Variants in KCTD5 observed in about 807,000 individuals in gnomAD.
KCTD5 encodes BTB/POZ domain-containing protein KCTD5.
Under a neutral mutation model 27.9 loss-of-function variants are expected in KCTD5, and 12 were observed. The observed-to-expected ratio is 0.43, with a 90% CI of 0.28 to 0.70. The LOEUF (loss-of-function observed/expected upper bound fraction) is 0.70. Among genes scored for constraint, KCTD5 ranks in the 30% least tolerant of loss-of-function variants. The pLI, the probability that KCTD5 is intolerant of heterozygous loss-of-function variation, is 0.19. For missense variants in KCTD5, 226 were observed against 274.8 expected, an observed-to-expected ratio of 0.82 and a Z score of 1.26; for synonymous variants, 147 against 121.4, an observed-to-expected ratio of 1.21 and a Z score of -1.39.
chr16:2,707,435 T>C lies in KCTD5; in HGVS notation c.*108T>C. 1.7e-6 allele frequency: 2 copies of C among 1,160,422 alleles called. No homozygotes were observed. Among genetic ancestry groups the C allele is most frequent in the East Asian group, 4.7e-5 (2 of 42,420 alleles). The allele number at this position is 1,160,422 out of a possible 1,614,324, so 71.9% of individuals were successfully genotyped here. The stretch of plus-strand genomic sequence containing the variant: ...GAGAAGAAACCTGCTTTTGATCATT[T>C]TTCTAGAGATCTGGGTGTGAATCCT... On this transcript the variant is annotated 3_prime_UTR_variant, in exon 6 of 6. Transcript: ENST00000301738.
chr16:2,706,518 G>A (rs1410049898), intron 5 of KCTD5, among the ~76,000 whole-genome samples: 1 of 152,174 alleles, frequency 6.6e-6, no homozygotes, highest in African/African-American at 2.4e-5. Flanking sequence ...GCTCATTTTG[G>A]GAGTTCACCT....
At chr16:2,697,013 CCGCCCA>C (rs1280164037) in intron 2 of KCTD5, among the ~76,000 whole-genome samples, 1 of 152,236 alleles carries the variant, frequency 6.6e-6, no homozygotes, top group Admixed American at 6.5e-5. Context: ...CAAGGCCCTG[CCGCCCA>C]GGCTCACCGG....
intron 2 of KCTD5, among the ~76,000 whole-genome samples, chr16:2,696,945 G>T (rs952283762): frequency 1.3e-5 from 2 of 152,222 alleles, no homozygotes; most frequent in African/African-American, 4.8e-5. Context: ...TCGAGGCTTC[G>T]CTTTATCTCA....
At chr16:2,690,123 G>T (rs1235592203) in intron 1 of KCTD5, among the ~76,000 whole-genome samples, 3 of 152,264 alleles carry the variant, frequency 2.0e-5, no homozygotes, top group African/African-American at 4.8e-5. Flanking sequence ...GAGCAGAGCG[G>T]CCAGTCTTGT....
chr16:2,689,831 A>G (rs140143341), intron 1 of KCTD5, among the ~76,000 whole-genome samples: 4,489 of 152,120 alleles, frequency 0.03, 192 homozygotes, highest in African/African-American at 0.1. Flanking sequence ...ACCCTCCACC[A>G]TGCCTGGCTA....
intron 3 of KCTD5, chr16:2,699,354 C>T: frequency 2.6e-6 from 1 of 388,514 alleles, no homozygotes; most frequent in East Asian, 7.3e-5. Context: ...GGAAGCAGCT[C>T]AGCCTTCGGG....
Position 2,687,610 on chromosome 16 carries a change from T to C in KCTD5, c.252+4810T>C, listed in dbSNP as rs79322969. ...CTCTGAAAGGTCACGGAGTGAGGTC[T>C]AAAGCCTCGCCAGGGCTGTGGCCGT... On this transcript the variant is annotated intron_variant, in intron 1 of 5. Transcript: ENST00000301738. 7.1e-3 allele frequency among the ~76,000 whole-genome samples: 1,088 copies of C among 152,370 alleles called. 12 individuals carry two copies. The highest frequency in any genetic ancestry group is 0.023 in the African/African-American group (960 of 41,582).
At chr16:2,704,386 C>T (rs1311183680) in intron 5 of KCTD5, among the ~76,000 whole-genome samples, 1 of 152,216 alleles carries the variant, frequency 6.6e-6, no homozygotes, top group African/African-American at 2.4e-5. Context: ...GGCAGCTGTC[C>T]CCCACTTCAG....
chr16:2,688,319 C>T (rs776691341), intron 1 of KCTD5, among the ~76,000 whole-genome samples: 1 of 150,802 alleles, frequency 6.6e-6, no homozygotes, highest in Non-Finnish European at 1.5e-5. Flanking sequence ...GGGGTGATCT[C>T]GGCTCACTGC....
chr16:2,687,440 A>G (rs1053767206), intron 1 of KCTD5, among the ~76,000 whole-genome samples: 6 of 152,232 alleles, frequency 3.9e-5, no homozygotes, highest in Non-Finnish European at 7.3e-5. Context: ...TACAGCCTTC[A>G]GTGGCTGTCG....
chr16:2,687,287 G>C (rs2067543991), intron 1 of KCTD5, among the ~76,000 whole-genome samples: 1 of 152,250 alleles, frequency 6.6e-6, no homozygotes. Flanking sequence ...AAAGAAAACA[G>C]TTTTGAGGCT....
intron 1 of KCTD5, among the ~76,000 whole-genome samples, chr16:2,690,476 G>C (rs569504809): frequency 1.3e-5 from 2 of 152,372 alleles, no homozygotes; most frequent in East Asian, 3.9e-4. Flanking sequence ...GAGACGCGGG[G>C]AAGATGAGGG....
Position 2,682,999 on chromosome 16 carries a change from C to T in KCTD5, c.252+199C>T, listed in dbSNP as rs976610496. The T allele has an allele frequency of 2.3e-5, 13 of 573,788 alleles. No homozygotes were observed. The African/African-American group carries it at 2.4e-4, about 11-fold the overall frequency. The allele number at this position is 573,788 out of a possible 1,614,324, so 35.5% of individuals were successfully genotyped here. On this transcript the variant is annotated intron_variant, in intron 1 of 5. Coordinates refer to ENST00000301738, the MANE Select transcript of KCTD5 (RefSeq NM_018992.4). ...CTGGGAGGGGAGGGTGAGGATGGCG[C>T]CCTGGCGTCCACTGCCTTTGAGGAT...
At chr16:2,698,822 C>T (rs986992997) in intron 3 of KCTD5, among the ~76,000 whole-genome samples, 4 of 152,210 alleles carry the variant, frequency 2.6e-5, no homozygotes, top group Non-Finnish European at 5.9e-5. Flanking sequence ...GGCTCCTTGT[C>T]TGTGGGGCAG....
At chr16:2,699,505 G>A (rs147531466) in intron 3 of KCTD5, among the ~76,000 whole-genome samples, 8 of 152,380 alleles carry the variant, frequency 5.3e-5, no homozygotes, top group South Asian at 2.1e-4. Flanking sequence ...CGGTTGCTGC[G>A]TGCGGAGCAG....
chr16:2,683,381 A>G (rs2067527114), intron 1 of KCTD5: 1 of 152,210 alleles, frequency 6.6e-6, no homozygotes, highest in Non-Finnish European at 1.5e-5. Context: ...TCCGTAGTAT[A>G]TAGTATGATT....
At chr16:2,700,579 C>T (rs1251153997) in intron 4 of KCTD5, among the ~76,000 whole-genome samples, 2 of 152,204 alleles carry the variant, frequency 1.3e-5, no homozygotes, top group African/African-American at 4.8e-5. Flanking sequence ...TGCCACTGTT[C>T]CTGGTGCTAG....
intron 5 of KCTD5, among the ~76,000 whole-genome samples, chr16:2,702,723 C>T (rs954414931): frequency 6.6e-6 from 1 of 152,180 alleles, no homozygotes; most frequent in African/African-American, 2.4e-5. Context: ...AGGCCTGCTG[C>T]AGGGGCCATG....
chr16:2,685,005 A>G lies in KCTD5; in HGVS notation c.252+2205A>G, dbSNP rs867617780. ...AGCGAGGGGTAATTAATCTTTCTGA[A>G]TATATCTGTGTTATACTTGCTCTTT... On this transcript the variant is annotated intron_variant, in intron 1 of 5. Coordinates refer to ENST00000301738, the MANE Select transcript of KCTD5 (RefSeq NM_018992.4). 2.6e-5 allele frequency among the ~76,000 whole-genome samples: 4 copies of G among 152,322 alleles called. No homozygotes were observed. In the Middle Eastern group the frequency reaches 0.014, roughly 518 times the overall value.
Sources: gnomAD v4.1 joint callset for allele counts (sites outside exome capture counted in the v4.1 genomes callset) on GRCh38, gnomAD v4.1.1 for gene constraint, MANE v1.5 for transcripts, NCBI Gene and HGNC (gene_info 2026-07-23, HGNC 2026-07-21) for gene names.